The following LAMA2 variants were observed in gnomAD, a reference collection of about 807,000 sequenced individuals.
LAMA2 encodes laminin subunit alpha-2.
A neutral mutation model predicts 364.8 loss-of-function variants in LAMA2; 269 were observed. The observed-to-expected ratio is 0.74, with a 90% CI of 0.67 to 0.82. The LOEUF is 0.82. LAMA2 is among the 40% of genes least tolerant of loss of function. The pLI is 0.00. For missense variants in LAMA2, 3,807 were observed against 3,873.2 expected (o/e 0.98, Z 0.45); for synonymous variants, 1,379 against 1,370.6 (o/e 1.01, Z -0.14).
Position 129,305,998 on chromosome 6 carries a change from G to A in LAMA2, c.3174+5126G>A, listed in dbSNP as rs139642622. ...AATATTATACCACTTTACATTTAGC[G>A]TAAGAACCTTACAACAGGAAACCTC... On this transcript the variant is annotated intron_variant, in intron 22 of 64. Coordinates refer to ENST00000421865, the MANE Select transcript of LAMA2 (RefSeq NM_000426.4). 3.3e-5 allele frequency among the ~76,000 whole-genome samples: 5 copies of A among 151,772 alleles called. No individual in the cohort carries two copies. The East Asian group carries it at 5.8e-4, about 18-fold the overall frequency.
intron 1 of LAMA2, among the ~76,000 whole-genome samples, chr6:129,013,027 T>C (rs1338248090): frequency 6.6e-6 from 1 of 152,232 alleles, no homozygotes; most frequent in Non-Finnish European, 1.5e-5. Context: ...GAAACTCACT[T>C]TTAGAGATAA....
At chr6:129,277,990 T>G (rs550030991) in intron 17 of LAMA2, among the ~76,000 whole-genome samples, 1 of 152,130 alleles carries the variant, frequency 6.6e-6, no homozygotes, top group African/African-American at 2.4e-5. Context: ...TCACTTGAGG[T>G]CAGGAGTTCA....
At chr6:129,441,475 C>T (rs972517829) in intron 43 of LAMA2, among the ~76,000 whole-genome samples, 1 of 151,998 alleles carries the variant, frequency 6.6e-6, no homozygotes. Context: ...ATTTAGATTC[C>T]AGTTACATCA....
chr6:129,480,793 A>G (rs1037843533), intron 54 of LAMA2, among the ~76,000 whole-genome samples: 1 of 152,180 alleles, frequency 6.6e-6, no homozygotes, highest in African/African-American at 2.4e-5. Context: ...CTGGGGAAAA[A>G]TGCAGACACA....
intron 9 of LAMA2, among the ~76,000 whole-genome samples, chr6:129,167,837 C>T (rs1166886152): frequency 1.3e-5 from 2 of 151,048 alleles, no homozygotes; most frequent in African/African-American, 4.9e-5. Context: ...TGTTTCCTGA[C>T]TTTTTAATGA....
chr6:128,981,480 C>T (rs1456390042), intron 1 of LAMA2, among the ~76,000 whole-genome samples: 3 of 151,320 alleles, frequency 2.0e-5, no homozygotes, highest in Non-Finnish European at 4.4e-5. Context: ...CAGTGGCACA[C>T]ACCTGTAATC....
At chr6:129,477,730 T>C (rs1485992186) in intron 53 of LAMA2, among the ~76,000 whole-genome samples, 2 of 152,332 alleles carry the variant, frequency 1.3e-5, no homozygotes, top group African/African-American at 4.8e-5. Context: ...ATTGTTCTAA[T>C]GTAGAATACA....
intron 29 of LAMA2, among the ~76,000 whole-genome samples, chr6:129,335,502 A>T (rs1169198934): frequency 6.6e-6 from 1 of 152,090 alleles, no homozygotes. Context: ...GCTAGCTCAA[A>T]CAACTTTTTA....
Position 129,101,216 on chromosome 6 carries a change from G to A in LAMA2, c.639+2801G>A, listed in dbSNP as rs376005811. Among the ~76,000 whole-genome samples the A allele has an allele frequency of 1.7e-4, 26 of 152,244 alleles. 1 individual carries two copies. In the South Asian group the frequency reaches 5.2e-3, roughly 30 times the overall value. On this transcript the variant is annotated intron_variant, in intron 4 of 64. Transcript: ENST00000421865. Reference sequence around the variant, plus strand: ...TCTCCCCCTGCTTGAGTGGAAGGAGGCACATTGAGAAGATAACTTCTCAGA... The same window carrying A: ...TCTCCCCCTGCTTGAGTGGAAGGAGACACATTGAGAAGATAACTTCTCAGA...
rs1272487752 is a variant in LAMA2, at chr6:129,481,456, C to A, written c.7749+17C>A. The A allele has an allele frequency of 1.2e-6, 2 of 1,601,834 alleles. No homozygotes were observed. The highest frequency in any genetic ancestry group is 1.7e-6 in the Non-Finnish European group (2 of 1,168,894). The stretch of plus-strand genomic sequence containing the variant: ...ACTGGACAGGTACCCTCACACCTAG[C>A]TGATAATGCATTTTCCCTAATGCTT... On this transcript the variant is annotated intron_variant, in intron 55 of 64. Transcript: ENST00000421865.
intron 35 of LAMA2, among the ~76,000 whole-genome samples, chr6:129,390,355 C>T (rs1250710775): frequency 6.6e-6 from 1 of 151,922 alleles, no homozygotes; most frequent in Non-Finnish European, 1.5e-5. Context: ...TGTACTGACC[C>T]ACCTTCTCAC....
chr6:129,074,552 C>T (rs1487398031), intron 3 of LAMA2, among the ~76,000 whole-genome samples: 2 of 152,080 alleles, frequency 1.3e-5, no homozygotes, highest in Middle Eastern at 3.2e-3. Flanking sequence ...CTTGCTGATG[C>T]CTTCAAACTG....
At chr6:128,942,186 T>C (rs904601140) in intron 1 of LAMA2, among the ~76,000 whole-genome samples, 1 of 152,166 alleles carries the variant, frequency 6.6e-6, no homozygotes, top group African/African-American at 2.4e-5. Flanking sequence ...GCCATAACTT[T>C]CGTGTTTTTT....
At chr6:129,165,773 A>G (rs1289673263) in intron 9 of LAMA2, 98 bp downstream of exon 9, 2 of 786,222 alleles carry the variant, frequency 2.5e-6, no homozygotes, top group Non-Finnish European at 4.4e-6. Flanking sequence ...AATGTTATTC[A>G]TGTAATAAAT....
chr6:129,500,132 G>C (rs1400280630), intron 58 of LAMA2, among the ~76,000 whole-genome samples: 3 of 152,238 alleles, frequency 2.0e-5, no homozygotes, highest in Middle Eastern at 3.4e-3. Context: ...CAAGCAAGGG[G>C]GAGGTCGAGA....
At position 129,181,916 on chromosome 6, in the gene LAMA2, A is replaced by G. The variant is rs533568729; in HGVS notation, c.1467+4050A>G. On this transcript the variant is annotated intron_variant, in intron 10 of 64. Transcript: ENST00000421865. ...GCAAGACAAAGAGAAAAATATTAAAACTGGGGGCAAATATCTTTATTGTGA... is the reference window on the plus strand; with the variant it reads ...GCAAGACAAAGAGAAAAATATTAAAGCTGGGGGCAAATATCTTTATTGTGA... 2.6e-5 allele frequency among the ~76,000 whole-genome samples: 4 copies of G among 151,842 alleles called. No homozygotes were observed. The South Asian group carries it at 8.3e-4, about 32-fold the overall frequency.
chr6:129,285,831 TAACA>T (rs1201696796), intron 18 of LAMA2, among the ~76,000 whole-genome samples: 4 of 152,154 alleles, frequency 2.6e-5, no homozygotes, highest in African/African-American at 7.2e-5. Flanking sequence ...AATACAGAAT[TAACA>T]AACAATTATA....
At chr6:129,142,473 G>A (rs1407369121) in intron 4 of LAMA2, among the ~76,000 whole-genome samples, 4 of 151,932 alleles carry the variant, frequency 2.6e-5, no homozygotes, top group Non-Finnish European at 4.4e-5. Flanking sequence ...CCTACCAAAC[G>A]CCTTGCCCCC....
chr6:129,331,377 C>T (rs1387941222), intron 29 of LAMA2, among the ~76,000 whole-genome samples: 2 of 152,072 alleles, frequency 1.3e-5, no homozygotes, highest in Non-Finnish European at 2.9e-5. Flanking sequence ...CTAAACCTCT[C>T]CTCTCACCCC....
Sources: gnomAD v4.1 joint callset for allele counts (sites outside exome capture counted in the v4.1 genomes callset) on GRCh38, gnomAD v4.1.1 for gene constraint, MANE v1.5 for transcripts, NCBI Gene and HGNC (gene_info 2026-07-23, HGNC 2026-07-21) for gene names.